Variants in PPP1CC observed in about 807,000 individuals in gnomAD.
The protein encoded by PPP1CC is serine/threonine-protein phosphatase PP1-gamma catalytic subunit.
In PPP1CC, 16 loss-of-function variants were observed where a neutral mutation model predicts 38.4. That is an observed-to-expected ratio of 0.42 (90% CI 0.28 to 0.63). PPP1CC has a LOEUF of 0.63. Ranked by LOEUF, PPP1CC falls within the 30% of genes least tolerant of loss-of-function variation. The probability of loss-of-function intolerance (pLI) is 0.25; values close to 1 mark genes in which losing one functional copy is unlikely to be tolerated. For missense variants in PPP1CC, 170 were observed against 391.3 expected, an observed-to-expected ratio of 0.43 and a Z score of 4.77; for synonymous variants, 158 against 136.0, an observed-to-expected ratio of 1.16 and a Z score of -1.13.
At chr12:110,730,398 G>T in intron 3 of PPP1CC, 131 bp downstream of exon 3, 1 of 787,648 alleles carries the variant, frequency 1.3e-6, no homozygotes, top group Non-Finnish European at 2.0e-6. Context: ...ACAAGTTGAT[G>T]AAATAGAAAA....
downstream of PPP1CC, among the ~76,000 whole-genome samples, chr12:110,715,209 A>G (rs2069678602): frequency 6.6e-6 from 1 of 152,242 alleles, no homozygotes; most frequent in Admixed American, 6.5e-5. Context: ...CAAGAGTTGC[A>G]CCAAATATGC....
chr12:110,717,689 C>T (rs141361486), downstream of PPP1CC, among the ~76,000 whole-genome samples: 1,033 of 152,278 alleles, frequency 6.8e-3, 1 homozygote, highest in Non-Finnish European at 9.3e-3. Context: ...AGCCACCATG[C>T]CCGGCCTCAA....
chr12:110,720,484 T>A lies in PPP1CC; in HGVS notation c.*592A>T. The stretch of plus-strand genomic sequence containing the variant: ...TTTTAAGTATACGGTCGGGGAAAAG[T>A]GTGCTTTAATTAAATATACATCATA... On this transcript the variant is annotated 3_prime_UTR_variant, in exon 7 of 7. Transcript: ENST00000335007. 2 of 367,368 alleles carry A rather than the reference T, an allele frequency of 5.4e-6. No homozygotes were observed. The highest frequency in any genetic ancestry group is 8.3e-5 in the South Asian group (2 of 23,986). 22.8% of individuals were successfully genotyped at this position (367,368 alleles called of 1,614,324 possible).
the PPP1CC span, among the ~76,000 whole-genome samples, chr12:110,708,649 GA>G: frequency 6.6e-6 from 1 of 152,014 alleles, no homozygotes; most frequent in Non-Finnish European, 1.5e-5. Context: ...AGGAGCTCGA[GA>G]ACAGCTTGGC....
chr12:110,734,234 C>T (rs1302968218), intron 1 of PPP1CC, among the ~76,000 whole-genome samples: 3 of 152,208 alleles, frequency 2.0e-5, no homozygotes, highest in Non-Finnish European at 4.4e-5. Context: ...TGTACACCAG[C>T]CATAGCCAGC....
At chr12:110,732,088 T>A (rs1379966325) in intron 1 of PPP1CC, 187 bp from the exon 2 acceptor site, 1 of 621,430 alleles carries the variant, frequency 1.6e-6, no homozygotes, top group African/African-American at 1.8e-5. Flanking sequence ...CTTAATTGCA[T>A]CTTCGATACC....
downstream of PPP1CC, among the ~76,000 whole-genome samples, chr12:110,715,045 A>G (rs1453454892): frequency 6.6e-6 from 1 of 151,898 alleles, no homozygotes; most frequent in African/African-American, 2.4e-5. Context: ...CCAAGAATAT[A>G]ACGACCAGTT....
chr12:110,716,058 T>G (rs2069684701), downstream of PPP1CC, among the ~76,000 whole-genome samples: 1 of 152,152 alleles, frequency 6.6e-6, no homozygotes, highest in Admixed American at 6.5e-5. Flanking sequence ...ACCAAATTGG[T>G]TGTTCCATCC....
rs1004867031 is a variant in PPP1CC at position 110,722,937 on chromosome 12, A to G, written c.524-242T>C. Among the ~76,000 whole-genome samples, 11 of 152,248 alleles carry G rather than the reference A, an allele frequency of 7.2e-5. No homozygotes were observed. Among genetic ancestry groups the G allele is most frequent in the African/African-American group, 2.7e-4 (11 of 41,464 alleles). ...CAGTAGGTTTAAACAGTACATGGAA[A>G]CAATTATATTATACAGAACACTGTA... On this transcript the variant is annotated intron_variant, in intron 4 of 6. Transcript: ENST00000335007. The surrounding 1 kb of genome is among the most constrained non-coding windows in gnomAD (Gnocchi z 5.4).
At chr12:110,726,714 G>A (rs1327041952) in intron 3 of PPP1CC, 2 of 152,184 alleles carry the variant, frequency 1.3e-5, no homozygotes, top group Non-Finnish European at 2.9e-5. Flanking sequence ...ATGCTCAAAG[G>A]AAATGCTCAC....
At chr12:110,716,157 A>C (rs1465583613), downstream of PPP1CC, among the ~76,000 whole-genome samples, 1 of 152,102 alleles carries the variant, frequency 6.6e-6, no homozygotes, top group Non-Finnish European at 1.5e-5. Flanking sequence ...CAACCCCTCA[A>C]TCTCAAGCTT....
chr12:110,725,362 ACCCATC>A (rs1305052900), intron 3 of PPP1CC: 2 of 152,254 alleles, frequency 1.3e-5, no homozygotes, highest in African/African-American at 4.8e-5. Flanking sequence ...GAGAGTTAGC[ACCCATC>A]CCCCATATAT....
At chr12:110,712,602 T>C in the PPP1CC span, among the ~76,000 whole-genome samples, 1 of 118,882 alleles carries the variant, frequency 8.4e-6, no homozygotes, top group South Asian at 2.7e-4. Context: ...TTAGCACTAG[T>C]GCACTCCAGC....
At chr12:110,713,987 T>C in the PPP1CC span, among the ~76,000 whole-genome samples, 1 of 152,230 alleles carries the variant, frequency 6.6e-6, no homozygotes, top group East Asian at 1.9e-4. Flanking sequence ...TAGTTCCAGC[T>C]ACTCTGGAGG....
chr12:110,742,872 C>T lies in PPP1CC; in HGVS notation c.-165G>A, dbSNP rs1024259451. 2 of 437,530 alleles carry T rather than the reference C, an allele frequency of 4.6e-6. No homozygotes were observed. Among genetic ancestry groups the T allele is most frequent in the East Asian group, 3.6e-5 (1 of 27,980 alleles). The allele number at this position is 437,530 out of a possible 1,614,324, so 27.1% of individuals were successfully genotyped here. A position where few individuals can be genotyped will look rare whatever the true frequency, so the allele number is the denominator to read the frequency against. ...CCGCTCCCTACTTCCTCCTTCTCTCCCCACTGGAACCACGAGAAGAACAAA... is the reference window on the plus strand; with the variant it reads ...CCGCTCCCTACTTCCTCCTTCTCTCTCCACTGGAACCACGAGAAGAACAAA... On this transcript the variant is annotated 5_prime_UTR_variant, in exon 1 of 7. Coordinates refer to ENST00000335007, the MANE Select transcript of PPP1CC (RefSeq NM_002710.4).
At chr12:110,735,020 A>C (rs886592752) in intron 1 of PPP1CC, 5 of 149,356 alleles carry the variant, frequency 3.3e-5, no homozygotes, top group African/African-American at 1.2e-4. Context: ...AAAAGTTGCC[A>C]TATCAGCCAA....
At chr12:110,716,596 A>T (rs1030134508), downstream of PPP1CC, among the ~76,000 whole-genome samples, 2 of 151,904 alleles carry the variant, frequency 1.3e-5, no homozygotes, top group African/African-American at 4.8e-5. Context: ...CAAGTGATCC[A>T]CTCACCTCGG....
chr12:110,711,355 C>G, the PPP1CC span, among the ~76,000 whole-genome samples: 2,047 of 150,368 alleles, frequency 0.014, 29 homozygotes, highest in Non-Finnish European at 0.024. Flanking sequence ...TCCAGACCAG[C>G]CTAAGCAATA....
At chr12:110,711,178 A>AAAAT in the PPP1CC span, among the ~76,000 whole-genome samples, 4 of 152,092 alleles carry the variant, frequency 2.6e-5, no homozygotes, top group Non-Finnish European at 2.9e-5. Flanking sequence ...GTCTCAAAAT[A>AAAAT]AAATAAATAA....
Sources: allele counts gnomAD v4.1 joint callset (sites outside exome capture counted in the v4.1 genomes callset), GRCh38; gene constraint gnomAD v4.1.1; non-coding constraint Gnocchi (gnomAD v3.1); transcripts MANE v1.5; gene names NCBI Gene and HGNC (gene_info 2026-07-23, HGNC 2026-07-21).